PALM2AKAP2: variants seen among roughly 807,000 people sequenced by gnomAD.
PALM2AKAP2 encodes the protein PALM2-AKAP2 fusion protein.
In PALM2AKAP2, 37 loss-of-function variants were observed where a neutral mutation model predicts 71.5. The observed-to-expected ratio is 0.52, with a 90% CI of 0.40 to 0.68. The LOEUF (loss-of-function observed/expected upper bound fraction) is 0.68, where lower values mean the gene tolerates loss of function less well. PALM2AKAP2 is among the 30% of genes least tolerant of loss of function. The pLI, the probability that PALM2AKAP2 is intolerant of heterozygous loss-of-function variation, is 0.00. For synonymous variants in PALM2AKAP2, 468 were observed against 478.8 expected, an observed-to-expected ratio of 0.98 and a Z score of 0.29; for missense variants, 1,224 against 1,191.8, an observed-to-expected ratio of 1.03 and a Z score of -0.40.
intron 1 of PALM2AKAP2, among the ~76,000 whole-genome samples, chr9:110,100,051 C>CTCTCTATATATATATA (rs143442936): frequency 9.1e-6 from 1 of 109,464 alleles, no homozygotes; most frequent in African/African-American, 3.2e-5. Flanking sequence ...GTATGTGTGT[C>CTCTCTATATATATATA]TATATATATA....
At chr9:109,835,919 G>A (rs1000156288) in intron 1 of PALM2AKAP2, among the ~76,000 whole-genome samples, 1 of 152,234 alleles carries the variant, frequency 6.6e-6, no homozygotes, top group Admixed American at 6.5e-5. Flanking sequence ...AGCTCAAGGA[G>A]GCCTGCCTGC....
intron 3 of PALM2AKAP2, among the ~76,000 whole-genome samples, chr9:109,911,164 C>T (rs1052120988): frequency 2.6e-5 from 4 of 151,798 alleles, no homozygotes; most frequent in African/African-American, 7.3e-5. Flanking sequence ...TTTTCTCTTC[C>T]TAGAAAAAAG....
At chr9:109,907,771 T>C (rs1208597224) in intron 3 of PALM2AKAP2, among the ~76,000 whole-genome samples, 4 of 152,174 alleles carry the variant, frequency 2.6e-5, no homozygotes, top group Non-Finnish European at 5.9e-5. Context: ...CACCTGGTAA[T>C]GTCAAGCACG....
At chr9:109,729,471 A>G (rs979497297) in intron 1 of PALM2AKAP2, among the ~76,000 whole-genome samples, 1 of 152,240 alleles carries the variant, frequency 6.6e-6, no homozygotes, top group African/African-American at 2.4e-5. Context: ...GATTCTAGCC[A>G]TCTGACTTTG....
intron 1 of PALM2AKAP2, among the ~76,000 whole-genome samples, chr9:109,786,041 A>C (rs1047293567): frequency 3.9e-5 from 6 of 152,242 alleles, no homozygotes; most frequent in Admixed American, 3.3e-4. Context: ...TCAGTCCTGC[A>C]TAGACCTGGG....
chr9:110,018,949 T>TACC (rs1833027309), intron 7 of PALM2AKAP2, among the ~76,000 whole-genome samples: 2 of 152,066 alleles, frequency 1.3e-5, no homozygotes, highest in Non-Finnish European at 2.9e-5. Context: ...CGCGATGAGA[T>TACC]ACCATCTCAC....
chr9:109,950,010 C>T (rs1005631835), intron 6 of PALM2AKAP2, among the ~76,000 whole-genome samples: 7 of 152,148 alleles, frequency 4.6e-5, no homozygotes, highest in Non-Finnish European at 8.8e-5. Flanking sequence ...AGGGGCCAGA[C>T]GAGGTGGCTT....
At chr9:110,036,555 C>T (rs527351694) in intron 7 of PALM2AKAP2, among the ~76,000 whole-genome samples, 3 of 152,268 alleles carry the variant, frequency 2.0e-5, no homozygotes, top group African/African-American at 7.2e-5. Context: ...CCCGGCCACT[C>T]CTTTCCCTTT....
At chr9:109,781,638 A>G (rs1564145554) in intron 1 of PALM2AKAP2, among the ~76,000 whole-genome samples, 2 of 152,196 alleles carry the variant, frequency 1.3e-5, no homozygotes, top group African/African-American at 2.4e-5. Context: ...AGCATTTGAC[A>G]TGGTCTCCAA....
intron 1 of PALM2AKAP2, among the ~76,000 whole-genome samples, chr9:109,766,437 T>C (rs1829156081): frequency 6.6e-6 from 1 of 152,192 alleles, no homozygotes. Context: ...CATAGGCTAT[T>C]AATTCTCAAA....
intron 1 of PALM2AKAP2, among the ~76,000 whole-genome samples, chr9:109,811,269 C>CAG (rs1205996910): frequency 6.6e-6 from 1 of 151,948 alleles, no homozygotes; most frequent in Non-Finnish European, 1.5e-5. Flanking sequence ...CTGAGTATGA[C>CAG]AGAGAGAGAG....
intron 1 of PALM2AKAP2, among the ~76,000 whole-genome samples, chr9:109,799,124 A>G (rs1246347218): frequency 6.6e-6 from 1 of 152,238 alleles, no homozygotes; most frequent in African/African-American, 2.4e-5. Context: ...AGGCCAGAGG[A>G]TTCTGTTAGT....
chr9:110,162,844 T>C (rs1051628683), intron 3 of PALM2AKAP2, among the ~76,000 whole-genome samples: 7 of 152,114 alleles, frequency 4.6e-5, no homozygotes, highest in Non-Finnish European at 8.8e-5. Context: ...CTGGAACTAC[T>C]GGTGTGTGCC....
chr9:109,801,728 G>A, intron 1 of PALM2AKAP2, among the ~76,000 whole-genome samples: 1 of 151,928 alleles, frequency 6.6e-6, no homozygotes, highest in African/African-American at 2.4e-5. Flanking sequence ...GTGTGTGTGT[G>A]TTTGTGTGTG....
At chr9:109,848,722 G>A (rs926288996) in intron 1 of PALM2AKAP2, among the ~76,000 whole-genome samples, 2 of 150,868 alleles carry the variant, frequency 1.3e-5, no homozygotes, top group East Asian at 3.9e-4. Context: ...CAGAAGGATC[G>A]CTTGAGCCCA....
chr9:110,161,442 A>G (rs1346451096), intron 3 of PALM2AKAP2, among the ~76,000 whole-genome samples: 6 of 152,164 alleles, frequency 3.9e-5, no homozygotes, highest in Non-Finnish European at 7.4e-5. Context: ...CCCTATAGGA[A>G]CTAAAGGATC....
At chr9:109,815,419 T>A (rs1400541176) in intron 1 of PALM2AKAP2, among the ~76,000 whole-genome samples, 3 of 152,166 alleles carry the variant, frequency 2.0e-5, no homozygotes, top group Admixed American at 6.5e-5. Flanking sequence ...AAATAGTAAC[T>A]TTAGCCATGG....
intron 1 of PALM2AKAP2, among the ~76,000 whole-genome samples, chr9:109,681,978 T>C (rs1827743000): frequency 6.6e-6 from 1 of 152,200 alleles, no homozygotes; most frequent in Non-Finnish European, 1.5e-5. Context: ...AACCCAATAA[T>C]GCTAACCTGA....
At position 109,923,793 on chromosome 9, in the gene PALM2AKAP2, C is replaced by CTA; in HGVS notation, c.316_317insTA (p.Gln106LeufsTer5). The stretch of plus-strand genomic sequence containing the variant: ...AGAGTCCCAGATATCTGCCAAAGAG[C>CTA]AAATCATCCTAGAGAAACTGAAGGA... On this transcript the variant is annotated frameshift_variant, in exon 4 of 10. Coordinates refer to the PALM2AKAP2 transcript ENST00000302798. LOFTEE classifies it high-confidence loss of function. 6.2e-7 allele frequency: 1 copy of CTA among 1,606,278 alleles called. No individual in the cohort carries two copies. The highest frequency in any genetic ancestry group is 8.5e-7 in the Non-Finnish European group (1 of 1,177,918).
Sources: allele counts gnomAD v4.1 joint callset (sites outside exome capture counted in the v4.1 genomes callset), GRCh38; gene constraint gnomAD v4.1.1; transcripts MANE v1.5; gene names NCBI Gene and HGNC (gene_info 2026-07-23, HGNC 2026-07-21).